The following BRINP3 variants were observed in gnomAD, a reference collection of about 807,000 sequenced individuals.
BRINP3 encodes BMP/retinoic acid-inducible neural-specific protein 3.
Under a neutral mutation model 71.0 loss-of-function variants are expected in BRINP3, and 19 were observed. The observed-to-expected ratio is 0.27, with a 90% CI of 0.19 to 0.39. BRINP3 has a LOEUF of 0.39. Among genes scored for constraint, BRINP3 ranks in the 10% least tolerant of loss-of-function variants. BRINP3 has a pLI of 1.00. For missense variants in BRINP3, 959 were observed against 940.8 expected (o/e 1.02, Z -0.25); for synonymous variants, 380 against 337.7 (o/e 1.13, Z -1.37).
intron 3 of BRINP3, among the ~76,000 whole-genome samples, chr1:190,280,373 C>CAGTT (rs979673082): frequency 1.3e-5 from 2 of 151,404 alleles, no homozygotes; most frequent in African/African-American, 2.4e-5. Context: ...TTTAAGTGGC[C>CAGTT]AGTTCTAGGT....
chr1:190,318,834 G>A (rs892015823), intron 2 of BRINP3, among the ~76,000 whole-genome samples: 10 of 152,020 alleles, frequency 6.6e-5, no homozygotes, highest in Non-Finnish European at 4.4e-5. Context: ...CTTCTTAAAT[G>A]AGTGAAAATT....
intron 7 of BRINP3, among the ~76,000 whole-genome samples, chr1:190,141,690 A>G (rs1655462934): frequency 6.7e-6 from 1 of 149,398 alleles, no homozygotes; most frequent in African/African-American, 2.5e-5. Context: ...CCTCCTAAGT[A>G]GCTGGGTTAC....
chr1:190,150,620 C>A (rs1288934430), intron 7 of BRINP3, among the ~76,000 whole-genome samples: 1 of 152,118 alleles, frequency 6.6e-6, no homozygotes, highest in Non-Finnish European at 1.5e-5. Flanking sequence ...TTAGGACAAG[C>A]ATCTACATAT....
intron 2 of BRINP3, among the ~76,000 whole-genome samples, chr1:190,361,564 A>G (rs1669150028): frequency 6.6e-6 from 1 of 151,826 alleles, no homozygotes. Flanking sequence ...CACCACGCCC[A>G]GCTAATTTTT....
chr1:190,155,838 C>T (rs1656817818), intron 7 of BRINP3, among the ~76,000 whole-genome samples: 1 of 152,002 alleles, frequency 6.6e-6, no homozygotes, highest in African/African-American at 2.4e-5. Context: ...TCCCCTTTGC[C>T]TTATTCCATG....
At chr1:190,446,966 A>T (rs1675258135) in intron 2 of BRINP3, among the ~76,000 whole-genome samples, 5 of 151,968 alleles carry the variant, frequency 3.3e-5, no homozygotes, top group Admixed American at 3.3e-4. Flanking sequence ...TAAAAAGAAA[A>T]AGTGTATAAA....
intron 6 of BRINP3, among the ~76,000 whole-genome samples, chr1:190,177,329 A>ATTTTTTTTTTTTTT (rs11307442): frequency 3.0e-5 from 3 of 98,726 alleles, no homozygotes; most frequent in African/African-American, 8.7e-5. Flanking sequence ...TGCCTGGATA[A>ATTTTTTTTTTTTTT]TTTTTTTTTT....
At chr1:190,147,672 T>A (rs1656009132) in intron 7 of BRINP3, among the ~76,000 whole-genome samples, 1 of 152,220 alleles carries the variant, frequency 6.6e-6, no homozygotes. Flanking sequence ...AAAATTCTTT[T>A]GCTGTCACAG....
chr1:190,397,811 C>T (rs1671677076), intron 2 of BRINP3, among the ~76,000 whole-genome samples: 1 of 151,448 alleles, frequency 6.6e-6, no homozygotes, highest in Admixed American at 6.6e-5. Context: ...ATTATCTCAT[C>T]AAAAATCATA....
chr1:190,160,079 T>TA (rs1266749206), intron 7 of BRINP3, among the ~76,000 whole-genome samples: 1 of 152,072 alleles, frequency 6.6e-6, no homozygotes. Context: ...TACAACTTTT[T>TA]ATTACACTTA....
At chr1:190,453,245 G>T (rs1234934084) in intron 2 of BRINP3, among the ~76,000 whole-genome samples, 1 of 35,424 alleles carries the variant, frequency 2.8e-5, no homozygotes. Flanking sequence ...TTTTGAGACG[G>T]AGGCTCGCTC....
intron 7 of BRINP3, among the ~76,000 whole-genome samples, chr1:190,103,025 T>A (rs962709605): frequency 6.6e-6 from 1 of 152,054 alleles, no homozygotes; most frequent in African/African-American, 2.4e-5. Context: ...ATATTTTCCA[T>A]TTATTTAAGA....
chr1:190,433,778 TTTGTTTACAATATAAAGGCTATAAG>T (rs2102520764), intron 2 of BRINP3, among the ~76,000 whole-genome samples: 1 of 152,308 alleles, frequency 6.6e-6, no homozygotes, highest in African/African-American at 2.4e-5. Context: ...CTTTTTAATT[TTTGTTTACAATATAAAGGCTATAAG>T]TTTTGGTCAT....
At chr1:190,214,478 C>G (rs1246838107) in intron 6 of BRINP3, among the ~76,000 whole-genome samples, 1 of 151,966 alleles carries the variant, frequency 6.6e-6, no homozygotes. Flanking sequence ...GAACAGTGCA[C>G]TGTAGAGTCA....
intron 2 of BRINP3, among the ~76,000 whole-genome samples, chr1:190,436,848 T>C (rs1462061658): frequency 1.3e-5 from 2 of 151,824 alleles, no homozygotes; most frequent in African/African-American, 2.4e-5. Flanking sequence ...TTGTATTTAT[T>C]GAGCATATGT....
intron 4 of BRINP3, among the ~76,000 whole-genome samples, chr1:190,255,621 T>A (rs1474103835): frequency 3.3e-5 from 5 of 152,172 alleles, no homozygotes; most frequent in African/African-American, 1.2e-4. Context: ...GTGGGATTAG[T>A]GGTGATATCC....
chr1:190,218,620 T>C (rs1459518234), intron 6 of BRINP3, among the ~76,000 whole-genome samples: 1 of 152,008 alleles, frequency 6.6e-6, no homozygotes, highest in Non-Finnish European at 1.5e-5. Context: ...TGTTGGCAAT[T>C]TTGAAACATA....
intron 6 of BRINP3, among the ~76,000 whole-genome samples, chr1:190,166,430 C>G (rs1651545571): frequency 6.6e-6 from 1 of 152,166 alleles, no homozygotes; most frequent in Non-Finnish European, 1.5e-5. Context: ...CCCCATTCAT[C>G]TGTTTGAGAA....
chr1:190,383,828 T>C (rs1670706289), intron 2 of BRINP3, among the ~76,000 whole-genome samples: 1 of 152,034 alleles, frequency 6.6e-6, no homozygotes, highest in Non-Finnish European at 1.5e-5. Context: ...CACAAGGAAG[T>C]GTTTTCACAG....
Sources: gnomAD v4.1 joint callset for allele counts (sites outside exome capture counted in the v4.1 genomes callset) on GRCh38, gnomAD v4.1.1 for gene constraint, MANE v1.5 for transcripts, NCBI Gene and HGNC (gene_info 2026-07-23, HGNC 2026-07-21) for gene names.